POU2F1: variants seen among roughly 807,000 people sequenced by gnomAD.
POU2F1 encodes POU class 2 homeobox 1.
A neutral mutation model predicts 84.9 loss-of-function variants in POU2F1; 16 were observed. The observed-to-expected ratio is 0.19, with a 90% confidence interval of 0.13 to 0.29. The LOEUF (loss-of-function observed/expected upper bound fraction) is 0.29, where lower values mean the gene tolerates loss of function less well. Among genes scored for constraint, POU2F1 ranks in the 10% least tolerant of loss-of-function variants. The pLI is 1.00. For missense variants in POU2F1, 738 were observed against 942.6 expected (o/e 0.78, Z 2.84); for synonymous variants, 368 against 368.3 (o/e 1.00, Z 0.01).
Position 167,389,578 on chromosome 1 carries a change from T to TC in POU2F1, c.814-9dup. 1 of 1,613,930 alleles carries TC rather than the reference T, an allele frequency of 6.2e-7. No homozygotes were observed. Among genetic ancestry groups the TC allele is most frequent in the Admixed American group, 1.7e-5 (1 of 60,004 alleles). ...TGTTTTTCCTCATTGTTTTATTCTT[T>TC]CTCCAACAGCCAGCAACCCCAACAC... On this transcript the variant is annotated splice_polypyrimidine_tract_variant and intron_variant, in intron 8 of 15. Coordinates refer to ENST00000367866, the MANE Select transcript of POU2F1 (RefSeq NM_002697.4).
intron 9 of POU2F1, among the ~76,000 whole-genome samples, chr1:167,390,298 C>T (rs1321849252): frequency 6.6e-6 from 1 of 152,112 alleles, no homozygotes; most frequent in Non-Finnish European, 1.5e-5. Flanking sequence ...TGATTTCTTT[C>T]AGAACACAGG....
rs1168359131 is a variant in POU2F1 at position 167,427,336 on chromosome 1, T to C, written c.*11526T>C. 6.6e-6 allele frequency: 1 copy of C among 152,194 alleles called. No homozygotes were observed. The highest frequency in any genetic ancestry group is 1.5e-5 in the Non-Finnish European group (1 of 68,030). 9.4% of individuals were successfully genotyped at this position (152,194 alleles called of 1,614,324 possible). On this transcript the variant is annotated 3_prime_UTR_variant, in exon 16 of 16. Transcript: ENST00000367866. Reference sequence around the variant, plus strand: ...CATCATTAAACCATCTTCCAAGTGTTTTCACATTGTTGGAGTTTCTTTGAA... The same window carrying C: ...CATCATTAAACCATCTTCCAAGTGTCTTCACATTGTTGGAGTTTCTTTGAA...
chr1:167,265,245 A>G (rs1009098157), intron 1 of POU2F1, among the ~76,000 whole-genome samples: 2 of 152,198 alleles, frequency 1.3e-5, no homozygotes, highest in Non-Finnish European at 1.5e-5. Flanking sequence ...TAGATGAGAG[A>G]TGGTGGCTGA....
chr1:167,251,795 A>G (rs1348557138), intron 1 of POU2F1, among the ~76,000 whole-genome samples: 3 of 151,970 alleles, frequency 2.0e-5, no homozygotes, highest in African/African-American at 7.2e-5. Flanking sequence ...AGGTTTCATA[A>G]TGGATAACGT....
At chr1:167,269,871 GC>G in intron 1 of POU2F1, among the ~76,000 whole-genome samples, 1 of 145,884 alleles carries the variant, frequency 6.9e-6, no homozygotes, top group East Asian at 2.0e-4. Context: ...CCGAGATCCC[GC>G]CACTGCACTC....
At chr1:167,374,779 T>G (rs916457914) in intron 6 of POU2F1, among the ~76,000 whole-genome samples, 2 of 152,150 alleles carry the variant, frequency 1.3e-5, no homozygotes, top group African/African-American at 4.8e-5. Context: ...AAAATTTATT[T>G]AAGAAGCGCC....
At chr1:167,359,127 A>G (rs1354548335) in intron 2 of POU2F1, among the ~76,000 whole-genome samples, 1 of 151,644 alleles carries the variant, frequency 6.6e-6, no homozygotes, top group Non-Finnish European at 1.5e-5. Flanking sequence ...ATTTAATAGT[A>G]TTAAACCACT....
chr1:167,344,024 A>G (rs1298731689), intron 2 of POU2F1, among the ~76,000 whole-genome samples: 6 of 152,132 alleles, frequency 3.9e-5, no homozygotes, highest in Non-Finnish European at 8.8e-5. Context: ...AGAGGAGCCC[A>G]TGCCTTTGTT....
intron 1 of POU2F1, among the ~76,000 whole-genome samples, chr1:167,230,114 C>T (rs2102338067): frequency 6.6e-6 from 1 of 152,266 alleles, no homozygotes; most frequent in Middle Eastern, 3.4e-3. Flanking sequence ...TGAGACTTAC[C>T]TGAGCCTTTC....
intron 2 of POU2F1, among the ~76,000 whole-genome samples, chr1:167,342,305 A>T (rs754982495): frequency 6.6e-5 from 10 of 152,166 alleles, no homozygotes; most frequent in Non-Finnish European, 1.2e-4. Context: ...GAAATTTGTT[A>T]ATGTAACCTA....
intron 2 of POU2F1, among the ~76,000 whole-genome samples, chr1:167,339,809 T>C (rs577927405): frequency 6.6e-6 from 1 of 152,366 alleles, no homozygotes; most frequent in East Asian, 1.9e-4. Flanking sequence ...TTATTACAAA[T>C]TAATTTACTA....
intron 1 of POU2F1, among the ~76,000 whole-genome samples, chr1:167,307,515 TTTTC>T (rs1655158933): frequency 6.6e-6 from 1 of 152,126 alleles, no homozygotes; most frequent in African/African-American, 2.4e-5. Context: ...TCTGTTTCCT[TTTTC>T]TTTCTTTGCT....
chr1:167,389,898 C>T, intron 9 of POU2F1, 137 bp downstream of exon 9: 1 of 892,240 alleles, frequency 1.1e-6, no homozygotes, highest in Non-Finnish European at 1.7e-6. Context: ...AAAGGATGGT[C>T]ATGTCTGTAC....
At chr1:167,232,292 T>C (rs541025790) in intron 1 of POU2F1, among the ~76,000 whole-genome samples, 1 of 152,318 alleles carries the variant, frequency 6.6e-6, no homozygotes, top group South Asian at 2.1e-4. Context: ...GGCAGTCCCA[T>C]AAGATTATAA....
At chr1:167,365,397 G>T in intron 2 of POU2F1, 70 bp from the exon 3 acceptor site, 1 of 1,184,382 alleles carries the variant, frequency 8.4e-7, no homozygotes, top group South Asian at 1.6e-5. Context: ...ATGAATGTTG[G>T]TAACTGAAAT....
At position 167,415,531 on chromosome 1, in the gene POU2F1, A is replaced by G. The variant is rs773619830; in HGVS notation, c.2022A>G (p.Thr674=). ...ALASGGSLPI[T]SLDATGNLVF... Reference sequence around the variant, plus strand: ...CTTCTGGTGGCTCTCTTCCAATAACATCACTTGATGCAACTGGGAACCTGG... The same window carrying G: ...CTTCTGGTGGCTCTCTTCCAATAACGTCACTTGATGCAACTGGGAACCTGG... Residue 674 remains threonine (T), a synonymous_variant, in exon 16 of 16, where the codon ACA becomes ACG. Transcript: ENST00000367866. The G allele has an allele frequency of 1.9e-6, 3 of 1,614,126 alleles. No individual in the cohort carries two copies. The highest frequency in any genetic ancestry group is 2.2e-5 in the East Asian group (1 of 44,878).
At chr1:167,346,883 G>T (rs2101773303) in intron 2 of POU2F1, among the ~76,000 whole-genome samples, 1 of 152,296 alleles carries the variant, frequency 6.6e-6, no homozygotes, top group South Asian at 2.1e-4. Context: ...TGTGATAAGT[G>T]ATTCTCTTTC....
intron 3 of POU2F1, among the ~76,000 whole-genome samples, chr1:167,368,296 T>C (rs1034857338): frequency 5.4e-4 from 82 of 152,128 alleles, no homozygotes; most frequent in African/African-American, 1.7e-3. Flanking sequence ...ACCCAAGTTA[T>C]GCATTTTTGA....
At chr1:167,265,686 G>A (rs546623926) in intron 1 of POU2F1, among the ~76,000 whole-genome samples, 26 of 151,938 alleles carry the variant, frequency 1.7e-4, no homozygotes, top group African/African-American at 6.3e-4. Context: ...GTCTCTTGCC[G>A]TACCCTCCCC....
Sources: allele counts gnomAD v4.1 joint callset (sites outside exome capture counted in the v4.1 genomes callset), GRCh38; gene constraint gnomAD v4.1.1; transcripts MANE v1.5; gene names NCBI Gene and HGNC (gene_info 2026-07-23, HGNC 2026-07-21).